The following ZNF385D variants were observed in gnomAD, a reference collection of about 807,000 sequenced individuals.
The protein encoded by ZNF385D is zinc finger protein 659.
ZNF385D carries 15 observed loss-of-function variants against 35.8 expected under a neutral mutation model. That is an observed-to-expected ratio of 0.42 (90% CI 0.28 to 0.64). The LOEUF (loss-of-function observed/expected upper bound fraction) is 0.64, where lower values mean the gene tolerates loss of function less well. Among genes scored for constraint, ZNF385D ranks in the 30% least tolerant of loss-of-function variants. ZNF385D has a pLI of 0.23. For missense variants in ZNF385D, 474 were observed against 494.6 expected (o/e 0.96, Z 0.39); for synonymous variants, 212 against 186.8 (o/e 1.13, Z -1.10).
At chr3:21,742,753 G>A (rs2069579771) in intron 1 of ZNF385D, among the ~76,000 whole-genome samples, 1 of 152,158 alleles carries the variant, frequency 6.6e-6, no homozygotes, top group African/African-American at 2.4e-5. Flanking sequence ...TCTTGCGATT[G>A]CTACTCTATG....
At chr3:21,537,900 A>G (rs1158613631) in intron 3 of ZNF385D, among the ~76,000 whole-genome samples, 4 of 152,158 alleles carry the variant, frequency 2.6e-5, no homozygotes, top group Non-Finnish European at 5.9e-5. Context: ...CACAGGGAGT[A>G]GAAGCAGGGA....
At chr3:22,045,081 A>C (rs1412747769) in intron 3 of ZNF385D, among the ~76,000 whole-genome samples, 5 of 151,982 alleles carry the variant, frequency 3.3e-5, no homozygotes, top group African/African-American at 9.7e-5. Flanking sequence ...GTACTTGTTT[A>C]TTAGCTCCCA....
intron 4 of ZNF385D, among the ~76,000 whole-genome samples, chr3:21,442,050 A>C (rs536380235): frequency 6.6e-6 from 1 of 152,344 alleles, no homozygotes; most frequent in African/African-American, 2.4e-5. Context: ...AATAAAAGGA[A>C]ACATCAGTAT....
chr3:22,033,987 A>T (rs1698163584), intron 3 of ZNF385D, among the ~76,000 whole-genome samples: 1 of 152,154 alleles, frequency 6.6e-6, no homozygotes, highest in Non-Finnish European at 1.5e-5. Context: ...TTTGCTTAGG[A>T]CAGTCCCTTT....
chr3:22,212,181 G>C (rs769986057), intron 2 of ZNF385D, among the ~76,000 whole-genome samples: 2 of 151,990 alleles, frequency 1.3e-5, no homozygotes, highest in East Asian at 3.9e-4. Flanking sequence ...GCAAAGGACT[G>C]AGGAAGAGGG....
Position 21,711,039 on chromosome 3 carries a change from GTTTT to G in ZNF385D, c.22+39852_22+39855del, listed in dbSNP as rs869252663. 8.4e-5 allele frequency among the ~76,000 whole-genome samples: 7 copies of G among 83,138 alleles called. 1 individual carries two copies. In the East Asian group the frequency reaches 1.2e-3, roughly 14 times the overall value. The allele number at this position is 83,138 out of a possible 152,430, so 54.5% of individuals were successfully genotyped here. A position where few individuals can be genotyped will look rare whatever the true frequency, so the allele number is the denominator to read the frequency against. ...TCTTAATTTCCTTATCCCTCTAAAA[GTTTT>G]TTTTTTTTTTTTTTTTGAGATGGAG... On this transcript the variant is annotated intron_variant, in intron 1 of 7. Coordinates refer to ENST00000281523, the MANE Select transcript of ZNF385D (RefSeq NM_024697.3).
chr3:22,030,276 T>TATCCTATACAAATAACAAATAGG (rs1697876110), intron 3 of ZNF385D, among the ~76,000 whole-genome samples: 1 of 103,612 alleles, frequency 9.7e-6, no homozygotes, highest in Non-Finnish European at 1.9e-5. Flanking sequence ...TATATATATA[T>TATCCTATACAAATAACAAATAGG]ATATATATAT....
intron 3 of ZNF385D, among the ~76,000 whole-genome samples, chr3:22,150,382 G>A (rs1350626263): frequency 6.6e-6 from 1 of 151,968 alleles, no homozygotes; most frequent in Non-Finnish European, 1.5e-5. Context: ...AGAAAGAGCT[G>A]TATTCATACT....
intron 5 of ZNF385D, among the ~76,000 whole-genome samples, chr3:21,425,974 A>G: frequency 6.6e-6 from 1 of 152,180 alleles, no homozygotes; most frequent in East Asian, 1.9e-4. Flanking sequence ...TAAACTTTAG[A>G]GTCCTGAGGG....
chr3:22,288,879 T>C (rs1473215490), intron 2 of ZNF385D, among the ~76,000 whole-genome samples: 1 of 152,116 alleles, frequency 6.6e-6, no homozygotes, highest in African/African-American at 2.4e-5. Flanking sequence ...CACCAATCCA[T>C]CCAGTCAGAG....
At chr3:21,799,775 A>AT (rs369210892) in intron 3 of ZNF385D, among the ~76,000 whole-genome samples, 8,908 of 151,980 alleles carry the variant, frequency 0.059, 362 homozygotes, top group Middle Eastern at 0.11. Flanking sequence ...CATTTTATAT[A>AT]TTTTTTCTTG....
At position 21,510,857 on chromosome 3, in the gene ZNF385D, T is replaced by G; in HGVS notation, c.439+4A>C. Reference sequence around the variant, plus strand: ...GACAACAACAACAAAGATCATTGCTTAACCTGTTTTGTCAGAGCTGGTATT... The same window carrying G: ...GACAACAACAACAAAGATCATTGCTGAACCTGTTTTGTCAGAGCTGGTATT... On this transcript the variant is annotated splice_donor_region_variant and intron_variant, in intron 4 of 7. Coordinates refer to ENST00000281523, the MANE Select transcript of ZNF385D (RefSeq NM_024697.3). 1.2e-6 allele frequency: 2 copies of G among 1,613,950 alleles called. No homozygotes were observed.
At chr3:22,162,061 G>C (rs1376097290) in intron 3 of ZNF385D, among the ~76,000 whole-genome samples, 1 of 152,102 alleles carries the variant, frequency 6.6e-6, no homozygotes, top group Non-Finnish European at 1.5e-5. Flanking sequence ...GAAGTACTTG[G>C]AACAGTTGAT....
At chr3:21,448,850 C>G (rs1702292917) in intron 4 of ZNF385D, among the ~76,000 whole-genome samples, 1 of 92,574 alleles carries the variant, frequency 1.1e-5, no homozygotes. Flanking sequence ...TTCCAAACTA[C>G]AGCAAACTGC....
intron 3 of ZNF385D, among the ~76,000 whole-genome samples, chr3:21,863,924 CA>C: frequency 6.6e-6 from 1 of 152,194 alleles, no homozygotes. Flanking sequence ...GAATCTTGTT[CA>C]AAATGCAGAT....
At chr3:22,364,905 T>A (rs1245943980) in intron 2 of ZNF385D, among the ~76,000 whole-genome samples, 1 of 152,100 alleles carries the variant, frequency 6.6e-6, no homozygotes, top group African/African-American at 2.4e-5. Context: ...CACAGTGGAA[T>A]ATCATCTAGC....
At chr3:21,736,888 C>A (rs1004708269) in intron 1 of ZNF385D, among the ~76,000 whole-genome samples, 2 of 152,260 alleles carry the variant, frequency 1.3e-5, no homozygotes, top group East Asian at 3.9e-4. Flanking sequence ...TTCCATAGGG[C>A]ATTTTGGCAA....
chr3:21,972,354 T>A (rs1183349330), intron 3 of ZNF385D, among the ~76,000 whole-genome samples: 1 of 151,778 alleles, frequency 6.6e-6, no homozygotes, highest in Non-Finnish European at 1.5e-5. Flanking sequence ...ATGAAGAAAT[T>A]AAGAAGAAAA....
At chr3:22,138,609 G>A (rs537879938) in intron 3 of ZNF385D, among the ~76,000 whole-genome samples, 51 of 151,652 alleles carry the variant, frequency 3.4e-4, no homozygotes, top group African/African-American at 1.2e-3. Context: ...AAACTGGCTA[G>A]CTATATGTAG....
Sources: gnomAD v4.1 joint callset for allele counts (sites outside exome capture counted in the v4.1 genomes callset) on GRCh38, gnomAD v4.1.1 for gene constraint, MANE v1.5 for transcripts, NCBI Gene and HGNC (gene_info 2026-07-23, HGNC 2026-07-21) for gene names.